PBRM1: variants seen among roughly 807,000 people sequenced by gnomAD.
The protein encoded by PBRM1 is polybromo 1.
In PBRM1, 27 loss-of-function variants were observed where a neutral mutation model predicts 194.5. That is an observed-to-expected ratio of 0.14 (90% CI 0.10 to 0.19). PBRM1 has a LOEUF of 0.19. Among genes scored for constraint, PBRM1 ranks in the 10% least tolerant of loss-of-function variants. The pLI is 1.00. For missense variants in PBRM1, 1,466 were observed against 2,077.2 expected (o/e 0.71, Z 5.72); for synonymous variants, 655 against 693.2 (o/e 0.94, Z 0.87).
At chr3:52,575,672 A>AT (rs35495289) in intron 22 of PBRM1, among the ~76,000 whole-genome samples, 18,472 of 122,092 alleles carry the variant, frequency 0.15, 1,880 homozygotes, top group African/African-American at 0.29. Flanking sequence ...TGCCCAAATA[A>AT]TTTTTTTTTT....
At chr3:52,645,816 G>A (rs1044795209) in intron 7 of PBRM1, among the ~76,000 whole-genome samples, 2 of 152,130 alleles carry the variant, frequency 1.3e-5, no homozygotes, top group South Asian at 4.1e-4. Flanking sequence ...ACAATACTCA[G>A]AATGGTGTGC....
intron 7 of PBRM1, among the ~76,000 whole-genome samples, chr3:52,645,460 G>A (rs895960661): frequency 6.6e-6 from 1 of 151,158 alleles, no homozygotes; most frequent in Non-Finnish European, 1.5e-5. Flanking sequence ...AGAGTGCCCA[G>A]CTGGGAGATT....
downstream of PBRM1, chr3:52,547,438 A>C (rs2079821507): frequency 1.3e-5 from 3 of 233,338 alleles, no homozygotes; most frequent in South Asian, 3.6e-4. Flanking sequence ...CCTCTGAGTT[A>C]ATAGAGCAAA....
chr3:52,599,664 A>G (rs984897338), intron 17 of PBRM1, among the ~76,000 whole-genome samples: 3 of 151,256 alleles, frequency 2.0e-5, no homozygotes, highest in Non-Finnish European at 4.4e-5. Context: ...ACAAAAAAAA[A>G]AAAAAAGAAA....
chr3:52,649,228 G>A (rs1005360063), intron 6 of PBRM1, among the ~76,000 whole-genome samples: 1 of 152,182 alleles, frequency 6.6e-6, no homozygotes, highest in Non-Finnish European at 1.5e-5. Context: ...TTCTTACACG[G>A]AGGGAATCAG....
chr3:52,643,102 T>C (rs2096168716), intron 9 of PBRM1, 146 bp downstream of exon 10: 1 of 656,208 alleles, frequency 1.5e-6, no homozygotes, highest in African/African-American at 1.8e-5. Context: ...AACTCAACCT[T>C]TTAAATAAAC....
chr3:52,642,049 C>G lies in PBRM1; in HGVS notation c.996-4G>C. 8.5e-7 allele frequency: 1 copy of G among 1,176,190 alleles called. No individual in the cohort carries two copies. Among genetic ancestry groups the G allele is most frequent in the Non-Finnish European group, 1.2e-6 (1 of 824,378 alleles). 72.9% of individuals were successfully genotyped at this position (1,176,190 alleles called of 1,614,324 possible). On this transcript the variant is annotated splice_polypyrimidine_tract_variant and splice_region_variant and intron_variant, in intron 9 of 29. Transcript: ENST00000296302. ...TCCTTGTACTGCTCTTTTATTACTACAAAAAAAAAAAAAGCAATTAGACAG... is the reference window on the plus strand; with the variant it reads ...TCCTTGTACTGCTCTTTTATTACTAGAAAAAAAAAAAAAGCAATTAGACAG...
At chr3:52,681,617 C>G (rs570965993), upstream of PBRM1, 69 of 558,376 alleles carry the variant, frequency 1.2e-4, no homozygotes, top group Non-Finnish European at 1.5e-4. Context: ...GAAAGGATAA[C>G]AAAAATTTAA....
chr3:52,654,935 C>T (rs770129559), intron 5 of PBRM1, among the ~76,000 whole-genome samples: 15 of 152,196 alleles, frequency 9.9e-5, no homozygotes, highest in South Asian at 4.1e-4. Context: ...ACTACAGGTG[C>T]ACACCACCAT....
At position 52,609,529 on chromosome 3, in the gene PBRM1, T is replaced by C. The variant is rs752965439; in HGVS notation, c.2351A>G (p.Asn784Ser). Residue 784 changes from asparagine to serine, a missense_variant, in exon 16 of 30, where the codon AAT becomes AGT. Asn to Ser is a conservative substitution (Grantham distance 46). This residue lies in a region of PBRM1 where 687 missense variants were observed against 946.2 expected (regional missense o/e 0.73). Coordinates refer to ENST00000296302, the Ensembl canonical transcript of PBRM1. The surrounding 1 kb of genome is among the most constrained non-coding windows in gnomAD (Gnocchi z 4.1). ...ATGACTCATGACTGACACAAAAAGA[T>C]TGTGGATAAGCTCTTGAATCAGCAA... is the stretch of plus-strand genomic sequence containing the variant. 4 of 1,613,800 alleles carry C rather than the reference T, an allele frequency of 2.5e-6. No individual in the cohort carries two copies. Among genetic ancestry groups the C allele is most frequent in the Middle Eastern group, 1.6e-4 (1 of 6,084 alleles).
chr3:52,644,513 T>C (rs2096231178), intron 8 of PBRM1, among the ~76,000 whole-genome samples, 191 bp downstream of exon 9: 1 of 152,070 alleles, frequency 6.6e-6, no homozygotes, highest in Admixed American at 6.6e-5. Context: ...GCCTCCCAAG[T>C]AGCTGTGACT....
intron 14 of PBRM1, among the ~76,000 whole-genome samples, chr3:52,616,037 C>T (rs1000310470): frequency 4.6e-5 from 7 of 152,198 alleles, no homozygotes; most frequent in Non-Finnish European, 8.8e-5. Flanking sequence ...CTTACCTCCT[C>T]AGCAGATGCT....
chr3:52,613,742 C>A (rs964699782), intron 15 of PBRM1, among the ~76,000 whole-genome samples: 1 of 152,028 alleles, frequency 6.6e-6, no homozygotes, highest in Non-Finnish European at 1.5e-5. Flanking sequence ...GTAATCCCAA[C>A]ACTTTAGAAG....
intron 5 of PBRM1, among the ~76,000 whole-genome samples, chr3:52,654,075 A>G (rs189079236): frequency 4.9e-4 from 74 of 152,332 alleles, no homozygotes; most frequent in Middle Eastern, 3.4e-3. Context: ...CTTGGAGGAA[A>G]TAACTGAAGT....
upstream of PBRM1, among the ~76,000 whole-genome samples, chr3:52,684,541 C>T (rs775935597): frequency 2.0e-5 from 3 of 152,324 alleles, no homozygotes; most frequent in Non-Finnish European, 4.4e-5. Flanking sequence ...AAAAACCACT[C>T]TTAACGTTGT....
intron 3 of PBRM1, among the ~76,000 whole-genome samples, chr3:52,666,786 G>C (rs929266300): frequency 4.6e-5 from 7 of 151,004 alleles, no homozygotes; most frequent in African/African-American, 1.7e-4. Context: ...CAGCTAATCA[G>C]GAGGCTAAGG....
At chr3:52,592,451 G>T (rs754180759) in intron 17 of PBRM1, among the ~76,000 whole-genome samples, 5 of 152,168 alleles carry the variant, frequency 3.3e-5, no homozygotes, top group African/African-American at 4.8e-5. Context: ...TCTTTTTTAT[G>T]TGATGAATCA....
intron 20 of PBRM1, chr3:52,586,204 G>T: frequency 5.2e-6 from 2 of 384,986 alleles, no homozygotes; most frequent in Non-Finnish European, 9.3e-6. Flanking sequence ...AAAATGCTGG[G>T]ATTACAGGCG....
intron 22 of PBRM1, among the ~76,000 whole-genome samples, chr3:52,571,721 C>T (rs1446226502): frequency 7.0e-6 from 1 of 143,460 alleles, no homozygotes; most frequent in Non-Finnish European, 1.5e-5. Flanking sequence ...GATACAGATA[C>T]AGAAATAGAA....
Sources: allele counts gnomAD v4.1 joint callset (sites outside exome capture counted in the v4.1 genomes callset), GRCh38; gene constraint gnomAD v4.1.1; regional missense constraint gnomAD v4.1.1; non-coding constraint Gnocchi (gnomAD v3.1); transcripts MANE v1.5; gene names NCBI Gene and HGNC (gene_info 2026-07-23, HGNC 2026-07-21).